The following SUCLG2 variants were observed in gnomAD, a reference collection of about 807,000 sequenced individuals.
SUCLG2 encodes succinate--CoA ligase [GDP-forming] subunit beta, mitochondrial.
In SUCLG2, 42 loss-of-function variants were observed where a neutral mutation model predicts 47.9. The observed-to-expected ratio is 0.88, with a 90% CI of 0.69 to 1.14. The LOEUF is 1.14. Among genes scored for constraint, SUCLG2 ranks in the 50% most tolerant of loss-of-function variants. The pLI, the probability that SUCLG2 is intolerant of heterozygous loss-of-function variation, is 0.00. For missense variants in SUCLG2, 571 were observed against 525.9 expected (o/e 1.09, Z -0.84); for synonymous variants, 195 against 197.3 (o/e 0.99, Z 0.10).
At chr3:67,409,126 C>T (rs1218228939) in intron 9 of SUCLG2, 1 of 1,345,192 alleles carries the variant, frequency 7.4e-7, no homozygotes, top group Non-Finnish European at 1.0e-6. Context: ...TTCCTGTTTA[C>T]TGATAAAAGA....
At chr3:67,595,321 C>A (rs1316398046) in intron 2 of SUCLG2, among the ~76,000 whole-genome samples, 1 of 152,112 alleles carries the variant, frequency 6.6e-6, no homozygotes, top group Non-Finnish European at 1.5e-5. Flanking sequence ...CCTTGTTCAG[C>A]TAAAGGGGGC....
chr3:67,653,757 TCTGA>T (rs1254060463), intron 1 of SUCLG2, among the ~76,000 whole-genome samples: 4 of 152,214 alleles, frequency 2.6e-5, no homozygotes, highest in African/African-American at 7.2e-5. Context: ...CTGAAGTCCT[TCTGA>T]CTATTTTAAC....
intron 9 of SUCLG2, among the ~76,000 whole-genome samples, chr3:67,402,318 GA>G (rs1468216583): frequency 1.5e-5 from 1 of 67,718 alleles, no homozygotes; most frequent in African/African-American, 6.3e-5. Flanking sequence ...GGGCAAGTAA[GA>G]AAACCTTTTT....
At chr3:67,459,975 C>T (rs1456033092) in intron 9 of SUCLG2, among the ~76,000 whole-genome samples, 1 of 152,200 alleles carries the variant, frequency 6.6e-6, no homozygotes, top group Non-Finnish European at 1.5e-5. Context: ...TAAACACAGC[C>T]TTGCCAGAGG....
chr3:67,465,657 T>C (rs1450481930), intron 9 of SUCLG2, among the ~76,000 whole-genome samples: 1 of 152,208 alleles, frequency 6.6e-6, no homozygotes, highest in Non-Finnish European at 1.5e-5. Flanking sequence ...TCTCCTTCAC[T>C]CAGAGTCAGA....
chr3:67,643,054 A>G (rs1487557080), intron 1 of SUCLG2, among the ~76,000 whole-genome samples: 1 of 152,158 alleles, frequency 6.6e-6, no homozygotes, highest in African/African-American at 2.4e-5. Flanking sequence ...CACCTGTGAC[A>G]CGGAACTGGA....
chr3:67,397,266 A>G (rs1423906357), intron 10 of SUCLG2, among the ~76,000 whole-genome samples: 2 of 152,248 alleles, frequency 1.3e-5, no homozygotes, highest in African/African-American at 4.8e-5. Flanking sequence ...CTGTATATCT[A>G]GAAAACCCCA....
chr3:67,550,514 T>A (rs902343927), intron 2 of SUCLG2, among the ~76,000 whole-genome samples: 21 of 151,904 alleles, frequency 1.4e-4, no homozygotes, highest in Non-Finnish European at 2.9e-4. Context: ...GCCTGGAAAT[T>A]TTTTTTGTTT....
At chr3:67,464,133 G>C (rs60806282) in intron 9 of SUCLG2, among the ~76,000 whole-genome samples, 87,028 of 152,120 alleles carry the variant, frequency 0.57, 25,945 homozygotes, top group Middle Eastern at 0.67. Context: ...TCCTCAAATG[G>C]TTACTGAAAG....
intron 2 of SUCLG2, among the ~76,000 whole-genome samples, chr3:67,604,506 G>A (rs1476835924): frequency 6.6e-6 from 1 of 152,076 alleles, no homozygotes. Flanking sequence ...CTACAATCTC[G>A]GCATGTTTTT....
chr3:67,436,929 TTTTC>T (rs1335200972), intron 9 of SUCLG2, among the ~76,000 whole-genome samples: 1 of 151,660 alleles, frequency 6.6e-6, no homozygotes, highest in Non-Finnish European at 1.5e-5. Context: ...TTGCTTTTTC[TTTTC>T]TTTTATTTAT....
chr3:67,448,545 C>T (rs544855235), intron 9 of SUCLG2, among the ~76,000 whole-genome samples: 179 of 152,280 alleles, frequency 1.2e-3, no homozygotes, highest in Middle Eastern at 3.4e-3. Flanking sequence ...CCACCATACC[C>T]AGCTAATTTT....
intron 9 of SUCLG2, among the ~76,000 whole-genome samples, chr3:67,482,753 T>C (rs1704950083): frequency 1.3e-5 from 2 of 152,160 alleles, no homozygotes; most frequent in African/African-American, 2.4e-5. Context: ...AGATTCTAAG[T>C]CACTTTTGTC....
intron 2 of SUCLG2, among the ~76,000 whole-genome samples, chr3:67,576,361 G>A (rs942929336): frequency 1.3e-5 from 2 of 151,782 alleles, no homozygotes; most frequent in Admixed American, 1.3e-4. Flanking sequence ...AATCACAGAA[G>A]TATTTCATGT....
intron 2 of SUCLG2, among the ~76,000 whole-genome samples, chr3:67,591,837 C>T (rs1003318185): frequency 6.6e-6 from 1 of 152,192 alleles, no homozygotes; most frequent in Non-Finnish European, 1.5e-5. Flanking sequence ...ATCTATATCA[C>T]ATTCCCCTTT....
At chr3:67,489,380 C>T (rs1705149152) in intron 9 of SUCLG2, among the ~76,000 whole-genome samples, 1 of 152,118 alleles carries the variant, frequency 6.6e-6, no homozygotes. Flanking sequence ...TGCAGAGTGA[C>T]TTCCCTAAAT....
At chr3:67,644,922 C>T (rs955710533) in intron 1 of SUCLG2, among the ~76,000 whole-genome samples, 5 of 152,050 alleles carry the variant, frequency 3.3e-5, no homozygotes, top group Non-Finnish European at 5.9e-5. Context: ...TGTTGCTTAA[C>T]ATCAAAATTC....
intron 4 of SUCLG2, among the ~76,000 whole-genome samples, chr3:67,525,553 G>T (rs1490693829): frequency 1.3e-5 from 2 of 152,112 alleles, no homozygotes; most frequent in East Asian, 3.8e-4. Context: ...AAATGGTGCA[G>T]GAGTAATTGA....
At chr3:67,434,018 C>T (rs1311977567) in intron 9 of SUCLG2, among the ~76,000 whole-genome samples, 1 of 152,192 alleles carries the variant, frequency 6.6e-6, no homozygotes, top group Non-Finnish European at 1.5e-5. Flanking sequence ...ACCACACATA[C>T]ACTAGAGGTT....
Sources: allele counts gnomAD v4.1 joint callset (sites outside exome capture counted in the v4.1 genomes callset), GRCh38; gene constraint gnomAD v4.1.1; transcripts MANE v1.5; gene names NCBI Gene and HGNC (gene_info 2026-07-23, HGNC 2026-07-21).